Variants in COL28A1 observed in about 807,000 individuals in gnomAD.
The protein encoded by COL28A1 is collagen type XXVIII alpha 1 chain, also known as collagen alpha-1(XXVIII) chain.
Under a neutral mutation model 150.2 loss-of-function variants are expected in COL28A1, and 161 were observed. The ratio of observed to expected loss-of-function variants is 1.07; its 90% CI spans 0.94 to 1.22. COL28A1 has a LOEUF of 1.22. COL28A1 is among the 50% of genes most tolerant of loss of function. The pLI, the probability that COL28A1 is intolerant of heterozygous loss-of-function variation, is 0.00. For missense variants in COL28A1, 1,617 were observed against 1,388.3 expected (o/e 1.16, Z -2.62); for synonymous variants, 552 against 469.7 (o/e 1.18, Z -2.26).
At chr7:7,502,306 G>A (rs1242617590) in intron 11 of COL28A1, among the ~76,000 whole-genome samples, 3 of 152,212 alleles carry the variant, frequency 2.0e-5, no homozygotes, top group Non-Finnish European at 4.4e-5. Context: ...TTGTTGCTAA[G>A]GCAACAAAGT....
At chr7:7,493,057 A>T (rs1057314209) in intron 11 of COL28A1, among the ~76,000 whole-genome samples, 17 of 146,080 alleles carry the variant, frequency 1.2e-4, no homozygotes, top group African/African-American at 3.2e-4. Flanking sequence ...ATTAATATAT[A>T]ATATATATAT....
At chr7:7,477,405 G>C (rs766781379) in intron 13 of COL28A1, among the ~76,000 whole-genome samples, 9 of 152,080 alleles carry the variant, frequency 5.9e-5, no homozygotes, top group Non-Finnish European at 1.0e-4. Flanking sequence ...CATTGTATTA[G>C]GTATTGTAAC....
rs1781623918 is a variant in COL28A1 at position 7,519,972 on chromosome 7, A to G, written c.813+90T>C. ...AGTTGTCACATTTTTGCCATATACTACAATGCTTTTTATTTTTAAAATTGT... is the reference window on the plus strand; with the variant it reads ...AGTTGTCACATTTTTGCCATATACTGCAATGCTTTTTATTTTTAAAATTGT... On this transcript the variant is annotated intron_variant, in intron 6 of 34. Transcript: ENST00000399429. The G allele has an allele frequency of 9.5e-6, 7 of 740,374 alleles. No individual in the cohort carries two copies. The East Asian group carries it at 1.8e-4, about 19-fold the overall frequency. The allele number at this position is 740,374 out of a possible 1,614,324, so 45.9% of individuals were successfully genotyped here. A position where few individuals can be genotyped will look rare whatever the true frequency, so the allele number is the denominator to read the frequency against.
At chr7:7,521,870 T>G (rs1781744001) in intron 5 of COL28A1, 35 bp downstream of exon 5, 1 of 885,464 alleles carries the variant, frequency 1.1e-6, no homozygotes, top group Non-Finnish European at 1.9e-6. Flanking sequence ...TTGCTAGGAC[T>G]TTCTGACTTA....
Position 7,373,555 on chromosome 7 carries a change from T to C in COL28A1, c.2360-9A>G, listed in dbSNP as rs1311939565. On this transcript the variant is annotated splice_polypyrimidine_tract_variant and intron_variant, in intron 31 of 34. Coordinates refer to ENST00000399429, the MANE Select transcript of COL28A1 (RefSeq NM_001037763.3). The surrounding 1 kb of genome is among the most constrained non-coding windows in gnomAD (Gnocchi z 4.1). Reference sequence around the variant, plus strand: ...GCATTTGGGCCCACAACCTAAAAGATGAATGTTGAGAGAGAAAAATTGTGG... The same window carrying C: ...GCATTTGGGCCCACAACCTAAAAGACGAATGTTGAGAGAGAAAAATTGTGG... 1.6e-5 allele frequency: 26 copies of C among 1,600,626 alleles called. No homozygotes were observed. Among genetic ancestry groups the C allele is most frequent in the Non-Finnish European group, 1.9e-5 (22 of 1,173,592 alleles).
intron 9 of COL28A1, among the ~76,000 whole-genome samples, chr7:7,510,840 G>A (rs1234752419): frequency 6.6e-6 from 1 of 152,120 alleles, no homozygotes; most frequent in Admixed American, 6.5e-5. Context: ...ACATTCAGTG[G>A]GCGTGGCCTC....
intron 23 of COL28A1, among the ~76,000 whole-genome samples, chr7:7,435,714 C>T (rs1026960971): frequency 6.6e-6 from 1 of 152,088 alleles, no homozygotes; most frequent in African/African-American, 2.4e-5. Context: ...TACTTGAACC[C>T]TTTTATCTAG....
At chr7:7,385,439 G>C (rs774954293) in intron 27 of COL28A1, among the ~76,000 whole-genome samples, 8 of 152,228 alleles carry the variant, frequency 5.3e-5, no homozygotes, top group Non-Finnish European at 1.2e-4. Flanking sequence ...AGCTGAGACT[G>C]TGGTGTGATG....
In COL28A1 at chr7:7,415,435, ACAGT is replaced by A. The variant is rs548980679; in HGVS notation, c.2136+2420_2136+2423del. Among the ~76,000 whole-genome samples, 571 of 152,344 alleles carry A rather than the reference ACAGT, an allele frequency of 3.7e-3. 3 individuals are homozygous for A. Among genetic ancestry groups the A allele is most frequent in the Non-Finnish European group, 6.2e-3 (420 of 68,026 alleles). On this transcript the variant is annotated intron_variant, in intron 27 of 34. Coordinates refer to ENST00000399429, the MANE Select transcript of COL28A1 (RefSeq NM_001037763.3). Reference sequence around the variant, plus strand: ...TGCAAAAGTAATTGCGGTTTTTGCCACAGTCAGGAAAATGAGATGGAAGTCCTGA... The same window carrying A: ...TGCAAAAGTAATTGCGGTTTTTGCCACAGGAAAATGAGATGGAAGTCCTGA...
intron 33 of COL28A1, among the ~76,000 whole-genome samples, chr7:7,365,091 C>A (rs547339189): frequency 6.6e-6 from 1 of 152,204 alleles, no homozygotes; most frequent in South Asian, 2.1e-4. Flanking sequence ...TGGCAGAATA[C>A]ACACCCAATT....
chr7:7,452,276 TTACA>T, intron 18 of COL28A1, 39 bp downstream of exon 18: 3 of 1,585,214 alleles, frequency 1.9e-6, no homozygotes, highest in Non-Finnish European at 2.6e-6. Flanking sequence ...TTATATAATG[TTACA>T]TAAAGTATCA....
chr7:7,396,448 A>G (rs1445437851), intron 27 of COL28A1, among the ~76,000 whole-genome samples: 1 of 151,652 alleles, frequency 6.6e-6, no homozygotes, highest in East Asian at 1.9e-4. Context: ...GGTGTAGAGC[A>G]GAAGCCAGGC....
intron 33 of COL28A1, among the ~76,000 whole-genome samples, chr7:7,368,740 A>T (rs1554259626): frequency 2.0e-5 from 3 of 152,168 alleles, no homozygotes; most frequent in Non-Finnish European, 4.4e-5. Context: ...CAAACACCAG[A>T]TTTTAGACTT....
intron 27 of COL28A1, among the ~76,000 whole-genome samples, chr7:7,412,748 T>C (rs528915797): frequency 2.0e-5 from 3 of 152,220 alleles, no homozygotes; most frequent in South Asian, 2.1e-4. Flanking sequence ...GTTGACTCCA[T>C]AGCCCACACT....
intron 21 of COL28A1, among the ~76,000 whole-genome samples, chr7:7,437,872 G>A (rs1186158049): frequency 6.6e-6 from 1 of 151,846 alleles, no homozygotes; most frequent in Non-Finnish European, 1.5e-5. Context: ...TTTCTTTGTT[G>A]TTTTATTTTA....
intron 27 of COL28A1, among the ~76,000 whole-genome samples, chr7:7,414,368 G>T (rs1453612524): frequency 1.3e-5 from 2 of 152,214 alleles, no homozygotes; most frequent in African/African-American, 2.4e-5. Context: ...GGATCAAACA[G>T]CCACAGTCCC....
chr7:7,367,422 T>C (rs1018394712), intron 33 of COL28A1, among the ~76,000 whole-genome samples: 2 of 152,190 alleles, frequency 1.3e-5, no homozygotes, highest in Non-Finnish European at 2.9e-5. Flanking sequence ...CAGTTTTGCA[T>C]TGGTGCTTCT....
intron 27 of COL28A1, among the ~76,000 whole-genome samples, chr7:7,393,262 C>G (rs921094480): frequency 6.6e-6 from 1 of 152,180 alleles, no homozygotes; most frequent in Admixed American, 6.5e-5. Context: ...CACTCCAGAC[C>G]CTGTTTGCCT....
Position 7,443,591 on chromosome 7 carries a change from G to A in COL28A1, c.1644C>T (p.Gly548=). ...AACACTGTCATTTCCATACCTTGGG[G>A]CCAGGCTGTCCTTTTCCAGGTGGTC... is the stretch of plus-strand genomic sequence containing the variant. ...PEGPPGKGQP[G]PKGDEGKKGS... is the part of the protein sequence containing the mutation. The change falls in exon 20 of 35, where the codon GGC becomes GGT. Residue 548 remains glycine (G), a synonymous_variant. Transcript: ENST00000399429. 6.2e-7 allele frequency: 1 copy of A among 1,614,034 alleles called. No individual in the cohort carries two copies.
Sources: allele counts gnomAD v4.1 joint callset (sites outside exome capture counted in the v4.1 genomes callset), GRCh38; gene constraint gnomAD v4.1.1; non-coding constraint Gnocchi (gnomAD v3.1); transcripts MANE v1.5; gene names NCBI Gene and HGNC (gene_info 2026-07-23, HGNC 2026-07-21).